LAIR2: variants seen among roughly 807,000 people sequenced by gnomAD.
The protein encoded by LAIR2 is leukocyte associated immunoglobulin like receptor 2.
In LAIR2, 14 loss-of-function variants were observed where a neutral mutation model predicts 14.8. The ratio of observed to expected loss-of-function variants is 0.95; its 90% CI spans 0.62 to 1.48. The LOEUF is 1.48. Ranked by LOEUF, LAIR2 falls within the 40% of genes most tolerant of loss-of-function variation. The pLI, the probability that LAIR2 is intolerant of heterozygous loss-of-function variation, is 0.00. For missense variants in LAIR2, 172 were observed against 180.9 expected (o/e 0.95, Z 0.28); for synonymous variants, 75 against 74.5 (o/e 1.01, Z -0.03).
intron 2 of LAIR2, among the ~76,000 whole-genome samples, chr19:54,505,418 C>T (rs967654742): frequency 6.6e-6 from 1 of 152,054 alleles, no homozygotes; most frequent in Non-Finnish European, 1.5e-5. Context: ...TCGACTTTTC[C>T]TGCATCACCC....
intron 2 of LAIR2, among the ~76,000 whole-genome samples, chr19:54,504,177 G>A (rs1238617261): frequency 1.3e-5 from 2 of 151,084 alleles, no homozygotes; most frequent in Non-Finnish European, 2.9e-5. Flanking sequence ...TATTGGCCAG[G>A]CTGGTCTCGA....
Position 54,508,138 on chromosome 19 carries a change from C to G in LAIR2, c.318C>G (p.Pro106=). 1 of 1,613,930 alleles carries G rather than the reference C, an allele frequency of 6.2e-7. No homozygotes were observed. The highest frequency in any genetic ancestry group is 8.5e-7 in the Non-Finnish European group (1 of 1,180,008). ...TTTATCGCTGCCTCTATTATAAGCC[C>G]CCTGGATGGTCTGAGCACAGTGACT... ...AGLYRCLYYK[P]PGWSEHSDFL... Residue 106 remains proline, a synonymous_variant, in exon 3 of 5, where the codon CCC becomes CCG. Transcript: ENST00000301202.
At chr19:54,505,671 G>T (rs985913839) in intron 2 of LAIR2, among the ~76,000 whole-genome samples, 1 of 151,992 alleles carries the variant, frequency 6.6e-6, no homozygotes, top group African/African-American at 2.4e-5. Flanking sequence ...ATCAACCCAG[G>T]CACCTCTCTT....
chr19:54,504,935 T>A (rs1301624930), intron 2 of LAIR2, among the ~76,000 whole-genome samples: 3 of 152,208 alleles, frequency 2.0e-5, no homozygotes, highest in African/African-American at 7.2e-5. Flanking sequence ...AGATTCCACA[T>A]GCGGTATTTG....
chr19:54,506,249 C>T (rs6509881), intron 2 of LAIR2, among the ~76,000 whole-genome samples: 51,891 of 152,008 alleles, frequency 0.34, 9,266 homozygotes, highest in African/African-American at 0.45. Flanking sequence ...AGCTAGGCAA[C>T]GTAGGCATTC....
chr19:54,506,975 G>T (rs1251047617), intron 2 of LAIR2, among the ~76,000 whole-genome samples: 2 of 151,936 alleles, frequency 1.3e-5, no homozygotes, highest in African/African-American at 4.8e-5. Context: ...ATATTAATTA[G>T]CTTGATTCAG....
intron 2 of LAIR2, among the ~76,000 whole-genome samples, chr19:54,505,454 G>A (rs8100831): frequency 0.14 from 21,350 of 151,634 alleles, 1,542 homozygotes; most frequent in East Asian, 0.26. Context: ...TCTCCCCTCC[G>A]TGGCTCCCCG....
At position 54,507,976 on chromosome 19, in the gene LAIR2, G is replaced by T. The variant is rs1047618; in HGVS notation, c.156G>T (p.Pro52=). 6.2e-7 allele frequency: 1 copy of T among 1,614,132 alleles called. No homozygotes were observed. Among genetic ancestry groups the T allele is most frequent in the South Asian group, 1.1e-5 (1 of 91,080 alleles). Residue 52 remains proline, a synonymous_variant, in exon 3 of 5, where the codon CCG becomes CCT. Transcript: ENST00000301202. ...GSHVTFMCRG[P]VGVQTFRLER... is the part of the protein sequence containing the mutation. ...ATGTGACTTTCATGTGCCGGGGCCC[G>T]GTTGGGGTTCAAACATTCCGCCTGG...
chr19:54,504,283 G>A (rs1182314679), intron 2 of LAIR2, among the ~76,000 whole-genome samples: 3 of 151,948 alleles, frequency 2.0e-5, no homozygotes, highest in Admixed American at 6.6e-5. Flanking sequence ...ATTTTTAATC[G>A]ACAAATAATT....
At chr19:54,507,812 A>C (rs2085390541) in intron 2 of LAIR2, 79 bp from the exon 3 acceptor site, 2 of 1,397,962 alleles carry the variant, frequency 1.4e-6, no homozygotes, top group Non-Finnish European at 2.0e-6. Flanking sequence ...AAATCCCTGA[A>C]TTGTGATCCT....
At chr19:54,505,240 T>G (rs1414735337) in intron 2 of LAIR2, among the ~76,000 whole-genome samples, 4 of 151,996 alleles carry the variant, frequency 2.6e-5, no homozygotes, top group Non-Finnish European at 5.9e-5. Flanking sequence ...CCGGCACTTT[T>G]CCCCAGACGA....
intron 2 of LAIR2, among the ~76,000 whole-genome samples, chr19:54,506,134 A>G (rs1168015730): frequency 1.3e-5 from 2 of 152,050 alleles, no homozygotes; most frequent in Non-Finnish European, 2.9e-5. Context: ...CTGATTTTTA[A>G]AAGTTAATTA....
chr19:54,510,094 G>A (rs71365468), intron 4 of LAIR2, among the ~76,000 whole-genome samples: 42,181 of 142,650 alleles, frequency 0.3, 6,807 homozygotes, highest in Non-Finnish European at 0.35. Context: ...GGGGCACAGC[G>A]GGACATGCTC....
intron 2 of LAIR2, among the ~76,000 whole-genome samples, chr19:54,504,116 C>T (rs2085322890): frequency 8.4e-6 from 1 of 119,660 alleles, no homozygotes; most frequent in Non-Finnish European, 1.8e-5. Flanking sequence ...ACCACCACCC[C>T]TGGCTAATTT....
rs183954651 is a variant in LAIR2, at chr19:54,508,704, T to C, written c.365-331T>C. Among the ~76,000 whole-genome samples the C allele has an allele frequency of 8.9e-4, 129 of 144,452 alleles. No individual in the cohort carries two copies. The South Asian group carries it at 0.012, about 14-fold the overall frequency. The allele number at this position is 144,452 out of a possible 152,430, so 94.8% of individuals were successfully genotyped here. A position where few individuals can be genotyped will look rare whatever the true frequency, so the allele number is the denominator to read the frequency against. ...ACCTTTGGTATGTGACCACATGCACTCCTGTGTGTGCTCAGCCCGAGATGT... is the reference window on the plus strand; with the variant it reads ...ACCTTTGGTATGTGACCACATGCACCCCTGTGTGTGCTCAGCCCGAGATGT... On this transcript the variant is annotated intron_variant, in intron 3 of 4. Coordinates refer to ENST00000301202, the MANE Select transcript of LAIR2 (RefSeq NM_002288.6).
Position 54,502,905 on chromosome 19 carries a change from C to A in LAIR2, c.-14C>A. 1 of 1,614,150 alleles carries A rather than the reference C, an allele frequency of 6.2e-7. No individual in the cohort carries two copies. The highest frequency in any genetic ancestry group is 1.1e-5 in the South Asian group (1 of 91,086). On this transcript the variant is annotated 5_prime_UTR_variant, in exon 1 of 5. In the 5' UTR this introduces an upstream ATG that the reference lacks. Coordinates refer to ENST00000301202, the MANE Select transcript of LAIR2 (RefSeq NM_002288.6). ...GTCTGCTTGTGTCTGCTGCAGAGTT[C>A]TGGGACCGGGGCCATGTCTCCACAC...
rs1047618 is a variant in LAIR2, at chr19:54,507,976, G to A, written c.156G>A (p.Pro52=). The A allele has an allele frequency of 1.7e-5, 28 of 1,614,012 alleles. No individual in the cohort carries two copies. The Admixed American group carries it at 2.8e-4, about 16-fold the overall frequency. ...ATGTGACTTTCATGTGCCGGGGCCC[G>A]GTTGGGGTTCAAACATTCCGCCTGG... ...GSHVTFMCRG[P]VGVQTFRLER... Residue 52 remains proline, a synonymous_variant, in exon 3 of 5, where the codon CCG becomes CCA. Transcript: ENST00000301202.
chr19:54,503,658 A>G, intron 1 of LAIR2, 42 bp from the exon 2 acceptor site: 1 of 1,613,696 alleles, frequency 6.2e-7, no homozygotes, highest in East Asian at 2.2e-5. Flanking sequence ...CTGTAAGGAG[A>G]CTGGGCAGTG....
intron 3 of LAIR2, among the ~76,000 whole-genome samples, chr19:54,508,722 C>T (rs1214720188): frequency 2.0e-5 from 3 of 152,292 alleles, no homozygotes; most frequent in Non-Finnish European, 2.9e-5. Context: ...GTGCTCAGCC[C>T]GAGATGTCCT....
Sources: allele counts gnomAD v4.1 joint callset (sites outside exome capture counted in the v4.1 genomes callset), GRCh38; gene constraint gnomAD v4.1.1; transcripts MANE v1.5; gene names NCBI Gene and HGNC (gene_info 2026-07-23, HGNC 2026-07-21).